The following CREB5 variants were observed in gnomAD, a reference collection of about 807,000 sequenced individuals.
The protein encoded by CREB5 is cyclic AMP-responsive element-binding protein 5.
A neutral mutation model predicts 57.1 loss-of-function variants in CREB5; 19 were observed. The observed-to-expected ratio is 0.33, with a 90% CI of 0.23 to 0.49. The LOEUF is 0.49. CREB5 is among the 20% of genes least tolerant of loss of function. The pLI, the probability that CREB5 is intolerant of heterozygous loss-of-function variation, is 0.99. For missense variants in CREB5, 579 were observed against 671.6 expected (o/e 0.86, Z 1.52); for synonymous variants, 238 against 238.3 (o/e 1.00, Z 0.01).
intron 1 of CREB5, among the ~76,000 whole-genome samples, chr7:28,446,000 T>C (rs1335222765): frequency 6.6e-6 from 1 of 152,234 alleles, no homozygotes; most frequent in East Asian, 1.9e-4. Context: ...CTTAATTTTC[T>C]GATTCTGTCC....
chr7:28,503,308 T>C (rs763077027), intron 3 of CREB5, among the ~76,000 whole-genome samples: 3 of 152,224 alleles, frequency 2.0e-5, no homozygotes, highest in Non-Finnish European at 2.9e-5. Flanking sequence ...CTAACAACTT[T>C]CGGTTCTTTT....
rs190227061 is a variant in CREB5 at position 28,619,485 on chromosome 7, C to T, written c.464+48948C>T. Among the ~76,000 whole-genome samples, 434 of 152,258 alleles carry T rather than the reference C, an allele frequency of 2.9e-3. 2 individuals are homozygous for T. The highest frequency in any genetic ancestry group is 2.9e-3 in the Non-Finnish European group (200 of 68,022). ...CATTGTTTGCTGCCTGTTTATTTTT[C>T]CGTCATTCTACACTGAGACAGGCAC... is the stretch of plus-strand genomic sequence containing the variant. On this transcript the variant is annotated intron_variant, in intron 5 of 10. Coordinates refer to ENST00000357727, the MANE Select transcript of CREB5 (RefSeq NM_182898.4).
At chr7:28,430,360 G>A (rs939814709) in intron 1 of CREB5, among the ~76,000 whole-genome samples, 5 of 152,268 alleles carry the variant, frequency 3.3e-5, no homozygotes, top group Non-Finnish European at 7.4e-5. Flanking sequence ...AGAAGAGAGA[G>A]GAAGTCCTTG....
rs376439035 is a variant in CREB5 at position 28,601,749 on chromosome 7, AG to A, written c.464+31214del. Among the ~76,000 whole-genome samples, 51 of 152,308 alleles carry A rather than the reference AG, an allele frequency of 3.3e-4. 1 individual carries two copies. In the East Asian group the frequency reaches 9.8e-3, roughly 29 times the overall value. ...TATAAAGTGGCTGAAAAAGTAAGCA[AG>A]GCAGATCAAAACCACTCAGCAGTCT... On this transcript the variant is annotated intron_variant, in intron 5 of 10. Transcript: ENST00000357727.
At position 28,809,819 on chromosome 7, in the gene CREB5, C is replaced by T. The variant is rs73291317; in HGVS notation, c.1254+405C>T. 5.0e-3 allele frequency among the ~76,000 whole-genome samples: 762 copies of T among 152,272 alleles called. 4 individuals are homozygous for T. Among genetic ancestry groups the T allele is most frequent in the African/African-American group, 0.017 (727 of 41,552 alleles). ...GGAGCAATAAACAAACTAATGTCTCCAAAGCAGTTGCCCAGTGCCTGGCCC... is the reference window on the plus strand; with the variant it reads ...GGAGCAATAAACAAACTAATGTCTCTAAAGCAGTTGCCCAGTGCCTGGCCC... On this transcript the variant is annotated intron_variant, in intron 9 of 10. Coordinates refer to ENST00000357727, the MANE Select transcript of CREB5 (RefSeq NM_182898.4).
intron 5 of CREB5, among the ~76,000 whole-genome samples, chr7:28,600,336 A>G (rs1353740069): frequency 6.6e-6 from 1 of 151,582 alleles, no homozygotes; most frequent in African/African-American, 2.4e-5. Context: ...CTAAACTCGC[A>G]GGCGCAAGAC....
chr7:28,487,611 G>C (rs1034299716), intron 1 of CREB5, among the ~76,000 whole-genome samples: 1 of 152,182 alleles, frequency 6.6e-6, no homozygotes, highest in Non-Finnish European at 1.5e-5. Flanking sequence ...ACCACGGTTC[G>C]CCACCAGAAT....
intron 1 of CREB5, among the ~76,000 whole-genome samples, chr7:28,340,007 C>T (rs982833262): frequency 9.9e-5 from 15 of 152,128 alleles, no homozygotes; most frequent in South Asian, 2.1e-4. Context: ...TGAATAATGC[C>T]GGGTGGAGGA....
intron 7 of CREB5, among the ~76,000 whole-genome samples, chr7:28,759,298 A>T (rs1805514220): frequency 6.6e-6 from 1 of 152,204 alleles, no homozygotes; most frequent in South Asian, 2.1e-4. Context: ...ATAGCTCCAA[A>T]ACAAAGAGAA....
At chr7:28,629,665 C>T (rs575996297) in intron 5 of CREB5, among the ~76,000 whole-genome samples, 6 of 152,284 alleles carry the variant, frequency 3.9e-5, no homozygotes, top group African/African-American at 1.4e-4. Flanking sequence ...TCATGGCAGT[C>T]ATGAGTCTTG....
chr7:28,310,907 A>G (rs1469651422), intron 1 of CREB5, among the ~76,000 whole-genome samples: 1 of 152,214 alleles, frequency 6.6e-6, no homozygotes, highest in East Asian at 1.9e-4. Flanking sequence ...TGTCTCAAGA[A>G]TATCTGTTTA....
chr7:28,708,210 C>T (rs1343021774), intron 5 of CREB5, among the ~76,000 whole-genome samples: 1 of 152,196 alleles, frequency 6.6e-6, no homozygotes, highest in Non-Finnish European at 1.5e-5. Context: ...ATAAGTGATC[C>T]TCTCAGCACG....
At chr7:28,698,698 T>G (rs1214961901) in intron 5 of CREB5, among the ~76,000 whole-genome samples, 47 of 152,200 alleles carry the variant, frequency 3.1e-4, no homozygotes, top group Non-Finnish European at 2.9e-5. Flanking sequence ...GTGGAAATGC[T>G]ATGTTTTATG....
At chr7:28,816,149 C>T (rs1007075335) in intron 9 of CREB5, among the ~76,000 whole-genome samples, 2 of 151,580 alleles carry the variant, frequency 1.3e-5, no homozygotes, top group African/African-American at 4.9e-5. Flanking sequence ...CAGAGATTGC[C>T]TTCATTTGAT....
intron 5 of CREB5, among the ~76,000 whole-genome samples, chr7:28,590,989 G>A (rs1195072173): frequency 1.3e-5 from 2 of 152,164 alleles, no homozygotes; most frequent in African/African-American, 2.4e-5. Context: ...CTTTCAGATT[G>A]CCAAAGTTAA....
At chr7:28,356,283 ATT>A (rs1786340388) in intron 1 of CREB5, among the ~76,000 whole-genome samples, 1 of 152,208 alleles carries the variant, frequency 6.6e-6, no homozygotes, top group Non-Finnish European at 1.5e-5. Flanking sequence ...GGAAAGAAGG[ATT>A]TCCACTTCCA....
chr7:28,666,086 G>T (rs1799811934), intron 5 of CREB5, among the ~76,000 whole-genome samples: 1 of 152,058 alleles, frequency 6.6e-6, no homozygotes, highest in Non-Finnish European at 1.5e-5. Flanking sequence ...ATCTGTGAAT[G>T]TTGAGTTATA....
chr7:28,748,931 CA>C (rs1804829931), intron 7 of CREB5, among the ~76,000 whole-genome samples: 1 of 152,142 alleles, frequency 6.6e-6, no homozygotes, highest in Non-Finnish European at 1.5e-5. Context: ...GGGACAGGGA[CA>C]AAGAAAGCAA....
At chr7:28,640,292 A>G (rs144299388) in intron 5 of CREB5, among the ~76,000 whole-genome samples, 85 of 152,350 alleles carry the variant, frequency 5.6e-4, no homozygotes, top group African/African-American at 2.0e-3. Flanking sequence ...CATGTTTACC[A>G]TGTGAACTCA....
Sources: allele counts gnomAD v4.1 joint callset (sites outside exome capture counted in the v4.1 genomes callset), GRCh38; gene constraint gnomAD v4.1.1; transcripts MANE v1.5; gene names NCBI Gene and HGNC (gene_info 2026-07-23, HGNC 2026-07-21).